SLC6A13: variants seen among roughly 807,000 people sequenced by gnomAD.
The protein encoded by SLC6A13 is sodium- and chloride-dependent GABA transporter 2.
Under a neutral mutation model 72.9 loss-of-function variants are expected in SLC6A13, and 69 were observed. That is an observed-to-expected ratio of 0.95 (90% CI 0.78 to 1.16). The LOEUF is 1.16. SLC6A13 is among the 50% of genes most tolerant of loss of function. SLC6A13 has a pLI of 0.00. For synonymous variants in SLC6A13, 303 were observed against 303.0 expected, an observed-to-expected ratio of 1.00 and a Z score of 0.00; for missense variants, 735 against 760.5, an observed-to-expected ratio of 0.97 and a Z score of 0.39.
At chr12:240,302 C>G (rs1262974934) in intron 4 of SLC6A13, among the ~76,000 whole-genome samples, 2 of 152,174 alleles carry the variant, frequency 1.3e-5, no homozygotes, top group Non-Finnish European at 2.9e-5. Context: ...CTCCCAGGCT[C>G]AAGCAATCCT....
intron 13 of SLC6A13, 83 bp downstream of exon 13, chr12:222,449 T>C: frequency 1.3e-6 from 1 of 751,074 alleles, no homozygotes; most frequent in Non-Finnish European, 2.2e-6. Flanking sequence ...GAGAAGTCCA[T>C]TGCAGGGCTA....
In SLC6A13 at chr12:225,511, G is replaced by T. The variant is rs532637319; in HGVS notation, c.1060+879C>A. On this transcript the variant is annotated intron_variant, in intron 9 of 14. Coordinates refer to ENST00000343164, the MANE Select transcript of SLC6A13 (RefSeq NM_016615.5). ...CTAAAAATACAAAAATTAGCCGGGC[G>T]TGGTGGCACATGCCTGTAATCTCAG... is the stretch of plus-strand genomic sequence containing the variant. Among the ~76,000 whole-genome samples the T allele has an allele frequency of 2.6e-5, 4 of 152,310 alleles. 1 individual carries two copies. The South Asian group carries it at 6.2e-4, about 24-fold the overall frequency.
intron 2 of SLC6A13, among the ~76,000 whole-genome samples, chr12:252,985 T>C (rs770432308): frequency 2.0e-5 from 3 of 152,234 alleles, no homozygotes; most frequent in Non-Finnish European, 4.4e-5. Context: ...AGGTACGGAC[T>C]GAGGAGTGCT....
rs747213102 is a variant in SLC6A13, at chr12:237,960, CAG to C, written c.527_528del (p.Ser176Ter). On this transcript the variant is annotated frameshift_variant, in exon 5 of 15. Transcript: ENST00000343164. LOFTEE classifies it high-confidence loss of function. The part of the protein sequence containing the change: ...QKTNGSLNGT[S>X]ENATSPVIEF... ...TCGATGACAGGAGAGGTGGCATTCT[CAG>C]AGGTACCATTCAGGGAGCCGTTGGT... is the stretch of plus-strand genomic sequence containing the variant. The C allele has an allele frequency of 1.1e-5, 17 of 1,614,110 alleles. No homozygotes were observed. The highest frequency in any genetic ancestry group is 1.4e-5 in the Non-Finnish European group (16 of 1,179,978).
chr12:238,324 G>A (rs749161908), intron 4 of SLC6A13: 53 of 1,356,880 alleles, frequency 3.9e-5, no homozygotes, highest in African/African-American at 1.6e-4. Flanking sequence ...CTATGTAAGC[G>A]TCCTGTGCAA....
rs138219672 is a variant in SLC6A13 at position 221,009 on chromosome 12, G to C, written c.1748C>G (p.Ser583Trp). The change falls in exon 15 of 15, where the codon TCG (serine) becomes TGG (tryptophan). Residue 583 changes from serine to tryptophan, a missense_variant. Coordinates refer to ENST00000343164, the MANE Select transcript of SLC6A13 (RefSeq NM_016615.5). ...TGAGGTCCTGGGGGTGGCGGGAGCC[G>C]AGGGTCCTGCTGGGTTCCGCTGGGG... ...DLPQRNPAGP[S>W]APATPRTSLL... 313 of 1,612,424 alleles carry C rather than the reference G, an allele frequency of 1.9e-4. No homozygotes were observed. The highest frequency in any genetic ancestry group is 2.6e-4 in the Non-Finnish European group (301 of 1,179,786).
chr12:240,842 G>A (rs369226472), intron 4 of SLC6A13, among the ~76,000 whole-genome samples: 11 of 152,206 alleles, frequency 7.2e-5, no homozygotes, highest in South Asian at 4.1e-4. Flanking sequence ...GCACAAAGAC[G>A]TGCCTGGAAG....
Position 243,709 on chromosome 12 carries a change from C to A in SLC6A13, c.307G>T (p.Ala103Ser). ...GQYTSQGGVTAWRKICPIFEG... is the reference protein window; with the variant it reads ...GQYTSQGGVTSWRKICPIFEG... ...AAGATGGGGCAGATCTTCCTCCAGG[C>A]TGTGACGCCTCCCTGGCTAGTGTAC... The change falls in exon 3 of 15, where the codon GCC (alanine) becomes TCC (serine). Residue 103 changes from alanine (A) to serine (S), a missense_variant. By Grantham distance (99) the Ala-to-Ser change is moderately conservative (BLOSUM62 1). Coordinates refer to ENST00000343164, the MANE Select transcript of SLC6A13 (RefSeq NM_016615.5). 1 of 1,614,172 alleles carries A rather than the reference C, an allele frequency of 6.2e-7. No individual in the cohort carries two copies. The highest frequency in any genetic ancestry group is 1.3e-5 in the African/African-American group (1 of 75,062).
At position 220,997 on chromosome 12, in the gene SLC6A13, G is replaced by A. The variant is rs1219017749; in HGVS notation, c.1760C>T (p.Thr587Ile). 1.2e-6 allele frequency: 2 copies of A among 1,612,754 alleles called. No individual in the cohort carries two copies. Among genetic ancestry groups the A allele is most frequent in the Non-Finnish European group, 1.7e-6 (2 of 1,179,882 alleles). ...RNPAGPSAPA[T>I]PRTSLLRLTE... ...GAGTCTGAGCAGTGAGGTCCTGGGG[G>A]TGGCGGGAGCCGAGGGTCCTGCTGG... Residue 587 changes from threonine (T) to isoleucine (I), a missense_variant, in exon 15 of 15, where the codon ACC becomes ATC. Thr to Ile is a moderately conservative substitution (Grantham distance 89, BLOSUM62 -1). Transcript: ENST00000343164.
chr12:237,246 G>C lies in SLC6A13; in HGVS notation c.608C>G (p.Ala203Gly), dbSNP rs749168568. 2 of 1,614,138 alleles carry C rather than the reference G, an allele frequency of 1.2e-6. No individual in the cohort carries two copies. Among genetic ancestry groups the C allele is most frequent in the Non-Finnish European group, 1.7e-6 (2 of 1,179,942 alleles). ...GCACAGAGCCAGCTCCCAGCGCAGG[G>C]CCCCCAGGTGCTGGATCCCATCAGA... ...KISDGIQHLG[A>G]LRWELALCLL... Residue 203 changes from alanine to glycine, a missense_variant, in exon 6 of 15, where the codon GCC becomes GGC. Transcript: ENST00000343164.
At chr12:221,122 C>G in intron 14 of SLC6A13, 52 bp from the exon 15 acceptor site, 1 of 1,537,630 alleles carries the variant, frequency 6.5e-7, no homozygotes, top group African/African-American at 1.4e-5. Flanking sequence ...GGCAGGTCTG[C>G]CAGCTTCCCT....
rs543043546 is a variant in SLC6A13, at chr12:243,718, C to T, written c.298G>A (p.Gly100Ser). 395 of 1,614,194 alleles carry T rather than the reference C, an allele frequency of 2.4e-4. 6 individuals are homozygous for T. The South Asian group carries it at 4.1e-3, about 17-fold the overall frequency. The change falls in exon 3 of 15, where the codon GGC (glycine) becomes AGC (serine). Residue 100 changes from glycine to serine, a missense_variant. Coordinates refer to ENST00000343164, the MANE Select transcript of SLC6A13 (RefSeq NM_016615.5). ...TALGQYTSQGGVTAWRKICPI... is the reference protein window; with the variant it reads ...TALGQYTSQGSVTAWRKICPI... ...CAGATCTTCCTCCAGGCTGTGACGC[C>T]TCCCTGGCTAGTGTACTGGCCTAGT... is the stretch of plus-strand genomic sequence containing the variant.
chr12:225,364 C>T (rs951650184), intron 9 of SLC6A13, among the ~76,000 whole-genome samples: 3 of 152,210 alleles, frequency 2.0e-5, no homozygotes, highest in African/African-American at 7.2e-5. Flanking sequence ...GAAAGTGAGA[C>T]ACGGGCCAGC....
intron 2 of SLC6A13, among the ~76,000 whole-genome samples, chr12:245,510 T>C (rs1309289114): frequency 6.6e-6 from 1 of 151,884 alleles, no homozygotes; most frequent in Non-Finnish European, 1.5e-5. Flanking sequence ...TGAAATCCTG[T>C]CTCTACTAAA....
At chr12:233,506 T>G (rs572545476) in intron 7 of SLC6A13, among the ~76,000 whole-genome samples, 34 of 152,092 alleles carry the variant, frequency 2.2e-4, no homozygotes, top group Middle Eastern at 3.4e-3. Flanking sequence ...TCTGGACAAC[T>G]GACAGGGAAA....
At chr12:255,429 C>G (rs916789392) in intron 2 of SLC6A13, among the ~76,000 whole-genome samples, 1 of 152,322 alleles carries the variant, frequency 6.6e-6, no homozygotes, top group East Asian at 1.9e-4. Context: ...GGCGCAGTGG[C>G]TCATGCCTGT....
chr12:237,752 T>A (rs1941992241), intron 5 of SLC6A13, among the ~76,000 whole-genome samples, 174 bp downstream of exon 5: 1 of 152,050 alleles, frequency 6.6e-6, no homozygotes, highest in Non-Finnish European at 1.5e-5. Flanking sequence ...ACTGCAGAAG[T>A]CTCATCTCTG....
Position 243,726 on chromosome 12 carries a change from C to T in SLC6A13, c.290G>A (p.Ser97Asn), listed in dbSNP as rs1007980833. The T allele has an allele frequency of 1.3e-4, 213 of 1,614,078 alleles. No homozygotes were observed. The highest frequency in any genetic ancestry group is 1.8e-4 in the Non-Finnish European group (207 of 1,180,000). Residue 97 changes from serine (S) to asparagine (N), a missense_variant, in exon 3 of 15, where the codon AGC becomes AAC. Coordinates refer to ENST00000343164, the MANE Select transcript of SLC6A13 (RefSeq NM_016615.5). ...LLETALGQYT[S>N]QGGVTAWRKI... ...CCTCCAGGCTGTGACGCCTCCCTGG[C>T]TAGTGTACTGGCCTAGTGCTGTCTC...
Position 260,046 on chromosome 12 carries a change from T to C in SLC6A13, c.7A>G (p.Ser3Gly). The change falls in exon 2 of 15, where the codon AGC (serine) becomes GGC (glycine). Residue 3 changes from serine (S) to glycine (G), a missense_variant. Transcript: ENST00000343164. Reference protein sequence around the residue: MDSRVSGTTSNGE... With the variant: MDGRVSGTTSNGE... ...TTACTGGTTGTGCCTGAGACCCTGC[T>C]ATCCATCCCACCTGGAAAACAAGTG... 1.2e-6 allele frequency: 2 copies of C among 1,612,450 alleles called. No homozygotes were observed. Among genetic ancestry groups the C allele is most frequent in the Non-Finnish European group, 1.7e-6 (2 of 1,178,522 alleles).
Sources: allele counts gnomAD v4.1 joint callset (sites outside exome capture counted in the v4.1 genomes callset), GRCh38; gene constraint gnomAD v4.1.1; transcripts MANE v1.5; gene names NCBI Gene and HGNC (gene_info 2026-07-23, HGNC 2026-07-21).